The following PDZD2 variants were observed in gnomAD, a reference collection of about 807,000 sequenced individuals.
PDZD2 encodes PDZ domain containing 2.
In PDZD2, 90 loss-of-function variants were observed where a neutral mutation model predicts 220.7. The ratio of observed to expected loss-of-function variants is 0.41; its 90% confidence interval spans 0.34 to 0.49. PDZD2 has a LOEUF of 0.49. Among genes scored for constraint, PDZD2 ranks in the 20% least tolerant of loss-of-function variants. The pLI is 0.28. For missense variants in PDZD2, 3,174 were observed against 3,608.5 expected, an observed-to-expected ratio of 0.88 and a Z score of 3.08; for synonymous variants, 1,375 against 1,450.5, an observed-to-expected ratio of 0.95 and a Z score of 1.18.
At chr5:31,869,591 G>T (rs1738585904) in intron 2 of PDZD2, among the ~76,000 whole-genome samples, 1 of 152,098 alleles carries the variant, frequency 6.6e-6, no homozygotes, top group Admixed American at 6.5e-5. Context: ...AAAGAAAAAA[G>T]AAATGTATTG....
chr5:31,665,352 G>A (rs377669289), intron 1 of PDZD2, among the ~76,000 whole-genome samples: 16 of 152,262 alleles, frequency 1.1e-4, no homozygotes, highest in South Asian at 2.1e-4. Context: ...AGGGACAAGC[G>A]TGGAAAGCAT....
rs1740721866 is a variant in PDZD2 at position 32,071,376 on chromosome 5, T to G, written c.2534-8T>G. The G allele has an allele frequency of 6.2e-7, 1 of 1,601,378 alleles. No homozygotes were observed. The highest frequency in any genetic ancestry group is 1.7e-5 in the Admixed American group (1 of 59,984). On this transcript the variant is annotated splice_polypyrimidine_tract_variant and splice_region_variant and intron_variant, in intron 15 of 24. Transcript: ENST00000438447. Reference sequence around the variant, plus strand: ...TTTTGACAATATGGTGAATTTTCCCTCCAACAGGTACCCCCTTGAAGAGTC... The same window carrying G: ...TTTTGACAATATGGTGAATTTTCCCGCCAACAGGTACCCCCTTGAAGAGTC...
rs1034779693 is a variant in PDZD2, at chr5:32,054,395, C to G, written c.1900+512C>G. ...CTGGAGTGCAGTGGCATGATCATGG[C>G]TCACTGCAGCCTCAACCCCCTGGGC... On this transcript the variant is annotated intron_variant, in intron 10 of 24. Transcript: ENST00000438447. Among the ~76,000 whole-genome samples, 8 of 132,120 alleles carry G rather than the reference C, an allele frequency of 6.1e-5. No individual in the cohort carries two copies. The Admixed American group carries it at 7.0e-4, about 12-fold the overall frequency. The allele number at this position is 132,120 out of a possible 152,430, so 86.7% of individuals were successfully genotyped here.
intron 1 of PDZD2, among the ~76,000 whole-genome samples, chr5:31,752,073 G>GTTTTGTTTTTTTTTT (rs1751018299): frequency 4.2e-5 from 4 of 95,064 alleles, no homozygotes; most frequent in African/African-American, 1.7e-4. Context: ...TTTTGGGTTT[G>GTTTTGTTTTTTTTTT]TTTTTTTTTT....
chr5:31,670,643 G>A (rs549723310), intron 1 of PDZD2, among the ~76,000 whole-genome samples: 23 of 151,966 alleles, frequency 1.5e-4, no homozygotes, highest in Admixed American at 3.9e-4. Context: ...TGCTGGTGTC[G>A]AATTCCTGAC....
chr5:32,084,126 AAGG>A (rs1362238851), intron 19 of PDZD2, among the ~76,000 whole-genome samples: 30 of 152,384 alleles, frequency 2.0e-4, no homozygotes, highest in African/African-American at 6.7e-4. Context: ...TTGAGCAGAG[AAGG>A]AGAAGAGCAC....
At chr5:31,847,184 C>T (rs1377962664) in intron 2 of PDZD2, 3 of 168,650 alleles carry the variant, frequency 1.8e-5, no homozygotes, top group African/African-American at 7.2e-5. Context: ...TATTGTAAGG[C>T]TCTTTGGGGA....
chr5:32,065,447 A>AAGAG (rs1473134292), intron 14 of PDZD2, among the ~76,000 whole-genome samples: 4 of 152,234 alleles, frequency 2.6e-5, no homozygotes, highest in African/African-American at 9.6e-5. Context: ...TAAGAAGTCT[A>AAGAG]TGCCAAGAGA....
chr5:31,874,439 C>G (rs1739116008), intron 2 of PDZD2, among the ~76,000 whole-genome samples: 1 of 152,092 alleles, frequency 6.6e-6, no homozygotes, highest in Admixed American at 6.6e-5. Flanking sequence ...TTAACATATG[C>G]ATTTTTAGAA....
At chr5:31,741,880 A>G (rs1750286982) in intron 1 of PDZD2, 3 of 152,208 alleles carry the variant, frequency 2.0e-5, no homozygotes, top group Admixed American at 2.0e-4. Flanking sequence ...TTGACTAGTG[A>G]AATCTTAACC....
chr5:31,986,276 T>A (rs1380002276), intron 3 of PDZD2, among the ~76,000 whole-genome samples: 1 of 152,110 alleles, frequency 6.6e-6, no homozygotes, highest in East Asian at 1.9e-4. Context: ...AAGGGGAGAC[T>A]TGCCATCTGG....
At chr5:31,822,358 C>T (rs769417443) in intron 2 of PDZD2, among the ~76,000 whole-genome samples, 33 of 147,276 alleles carry the variant, frequency 2.2e-4, no homozygotes, top group East Asian at 1.6e-3. Context: ...CTCACTGCAA[C>T]GTCTTGTGCT....
intron 14 of PDZD2, among the ~76,000 whole-genome samples, chr5:32,066,858 A>G (rs1413136939): frequency 2.0e-5 from 3 of 152,204 alleles, no homozygotes; most frequent in Admixed American, 2.0e-4. Context: ...GCCATTGACC[A>G]TACAGGTTCA....
At chr5:32,008,846 C>T (rs1561334774) in intron 5 of PDZD2, among the ~76,000 whole-genome samples, 1 of 152,066 alleles carries the variant, frequency 6.6e-6, no homozygotes, top group African/African-American at 2.4e-5. Flanking sequence ...GGTGGGCTTT[C>T]GGAAGGAGAG....
intron 2 of PDZD2, among the ~76,000 whole-genome samples, chr5:31,885,158 C>CAAAAAAAAAAAAAAAAAAAAAAAA (rs397978491): frequency 9.5e-6 from 1 of 105,260 alleles, no homozygotes; most frequent in African/African-American, 3.7e-5. Context: ...GTGCAAACGG[C>CAAAAAAAAAAAAAAAAAAAAAAAA]AAAAAAAAAA....
chr5:31,668,489 G>A (rs1746090383), intron 1 of PDZD2, among the ~76,000 whole-genome samples: 1 of 152,214 alleles, frequency 6.6e-6, no homozygotes, highest in South Asian at 2.1e-4. Context: ...CTGGTTAACA[G>A]CAGCTCTGTT....
chr5:31,758,316 A>G (rs1009116847), intron 1 of PDZD2, among the ~76,000 whole-genome samples: 3 of 152,244 alleles, frequency 2.0e-5, no homozygotes, highest in African/African-American at 7.2e-5. Context: ...TGACTGCTGG[A>G]AAGAGTGCCG....
Position 31,978,134 on chromosome 5 carries a change from A to C in PDZD2, c.477-5021A>C, listed in dbSNP as rs111402768. Among the ~76,000 whole-genome samples, 719 of 152,302 alleles carry C rather than the reference A, an allele frequency of 4.7e-3. 8 individuals carry two copies. The highest frequency in any genetic ancestry group is 0.017 in the African/African-American group (689 of 41,546). On this transcript the variant is annotated intron_variant, in intron 2 of 24. Transcript: ENST00000438447. ...TTAATAATTTTGCATGCCAGAGGAA[A>C]ATTGCAAATTAAAAAAATATGTGAT...
intron 2 of PDZD2, among the ~76,000 whole-genome samples, chr5:31,858,192 A>C (rs1243693226): frequency 6.6e-6 from 1 of 151,828 alleles, no homozygotes; most frequent in Non-Finnish European, 1.5e-5. Context: ...CGAACTCCTG[A>C]CTTCAGGTGA....
Sources: gnomAD v4.1 joint callset for allele counts (sites outside exome capture counted in the v4.1 genomes callset) on GRCh38, gnomAD v4.1.1 for gene constraint, MANE v1.5 for transcripts, NCBI Gene and HGNC (gene_info 2026-07-23, HGNC 2026-07-21) for gene names.